DPH5: variants seen among roughly 807,000 people sequenced by gnomAD.
DPH5 encodes the protein diphthamide biosynthesis 5.
In DPH5, 31 loss-of-function variants were observed where a neutral mutation model predicts 31.6. The ratio of observed to expected loss-of-function variants is 0.98; its 90% CI spans 0.74 to 1.32. DPH5 has a LOEUF of 1.32. DPH5 is among the 40% of genes most tolerant of loss of function. DPH5 has a pLI of 0.00. For synonymous variants in DPH5, 120 were observed against 115.0 expected (o/e 1.04, Z -0.28); for missense variants, 309 against 335.7 (o/e 0.92, Z 0.62).
rs1029222347 is a variant in DPH5 at position 100,990,099 on chromosome 1, C to T, written c.*309G>A. On this transcript the variant is annotated 3_prime_UTR_variant, in exon 8 of 8. Transcript: ENST00000370109. ...GAGGTTTAATTTTCGACTCACAGTT[C>T]CACATGGCTGGGAAGGCCTCAGGAA... The T allele has an allele frequency of 1.1e-5, 4 of 350,092 alleles. No homozygotes were observed. Among genetic ancestry groups the T allele is most frequent in the Non-Finnish European group, 2.1e-5 (4 of 188,722 alleles). 21.7% of individuals were successfully genotyped at this position (350,092 alleles called of 1,614,324 possible).
intron 6 of DPH5, among the ~76,000 whole-genome samples, chr1:100,994,906 C>G (rs909873362): frequency 6.6e-6 from 1 of 152,198 alleles, no homozygotes; most frequent in African/African-American, 2.4e-5. Context: ...AACCACTGTT[C>G]TCAGTGTTGA....
chr1:100,992,479 A>G (rs1399470133), intron 7 of DPH5, among the ~76,000 whole-genome samples, 158 bp downstream of exon 7: 1 of 152,178 alleles, frequency 6.6e-6, no homozygotes, highest in African/African-American at 2.4e-5. Flanking sequence ...CTTGAAGCCT[A>G]TGGGATTTAA....
chr1:100,993,136 T>A (rs1657935476), intron 6 of DPH5, among the ~76,000 whole-genome samples: 1 of 152,164 alleles, frequency 6.6e-6, no homozygotes, highest in South Asian at 2.1e-4. Context: ...TTTTCACTGT[T>A]TCCTCTAAGA....
At chr1:101,011,099 A>G (rs1212551951) in intron 4 of DPH5, among the ~76,000 whole-genome samples, 1 of 152,236 alleles carries the variant, frequency 6.6e-6, no homozygotes, top group African/African-American at 2.4e-5. Context: ...CGCTAGTCCA[A>G]AAAGTAAAGA....
chr1:101,003,488 C>A (rs570322070), intron 4 of DPH5, among the ~76,000 whole-genome samples: 1 of 152,206 alleles, frequency 6.6e-6, no homozygotes, highest in Non-Finnish European at 1.5e-5. Context: ...AGTCATGGCA[C>A]TGGTTCTTAC....
intron 3 of DPH5, among the ~76,000 whole-genome samples, chr1:101,018,473 G>A (rs191815773): frequency 2.3e-4 from 35 of 152,072 alleles, no homozygotes; most frequent in African/African-American, 5.5e-4. Context: ...TCCTGGGCTC[G>A]GGCAATCCAC....
intron 5 of DPH5, chr1:100,995,747 A>G (rs11590179): frequency 0.091 from 13,891 of 152,372 alleles, 733 homozygotes; most frequent in Middle Eastern, 0.19. Flanking sequence ...CAAGCATCAC[A>G]AATATTTGAT....
chr1:101,021,942 A>T (rs1246520379), intron 2 of DPH5, among the ~76,000 whole-genome samples, 177 bp from the exon 3 acceptor site: 1 of 152,082 alleles, frequency 6.6e-6, no homozygotes, highest in Non-Finnish European at 1.5e-5. Context: ...CCAGTACTTT[A>T]TGTCATGTTG....
intron 5 of DPH5, among the ~76,000 whole-genome samples, chr1:100,998,505 C>G (rs1658572555): frequency 2.4e-5 from 1 of 41,120 alleles, no homozygotes; most frequent in Non-Finnish European, 7.6e-5. Flanking sequence ...TAAACCTTAT[C>G]TTAAAAAAAA....
chr1:101,009,643 GC>G (rs528353953), intron 4 of DPH5, among the ~76,000 whole-genome samples: 174 of 152,124 alleles, frequency 1.1e-3, no homozygotes, highest in Admixed American at 5.8e-3. Flanking sequence ...TTCCAATCTT[GC>G]CTGGCAGTAA....
At chr1:101,018,506 C>T (rs1660240174) in intron 3 of DPH5, among the ~76,000 whole-genome samples, 1 of 152,116 alleles carries the variant, frequency 6.6e-6, no homozygotes, top group South Asian at 2.1e-4. Context: ...CCCAAAGTTG[C>T]TGGGATTACA....
At chr1:101,000,426 T>A (rs1023867471) in intron 5 of DPH5, among the ~76,000 whole-genome samples, 2 of 152,162 alleles carry the variant, frequency 1.3e-5, no homozygotes, top group Admixed American at 6.5e-5. Flanking sequence ...GACACTGACA[T>A]AAAAGACCGA....
intron 3 of DPH5, among the ~76,000 whole-genome samples, chr1:101,019,545 G>A (rs1157584160): frequency 1.3e-5 from 2 of 151,852 alleles, no homozygotes; most frequent in Non-Finnish European, 2.9e-5. Flanking sequence ...AATAAGAAGG[G>A]GTCTTAAAAT....
intron 3 of DPH5, 113 bp from the exon 4 acceptor site, chr1:101,013,931 A>G (rs1659879554): frequency 1.4e-6 from 1 of 740,440 alleles, no homozygotes; most frequent in Admixed American, 2.7e-5. Context: ...CCTTTCTTCA[A>G]ATTCTTCCAC....
Position 101,013,776 on chromosome 1 carries a change from C to T in DPH5, c.303G>A (p.Leu101=). The part of the protein sequence containing the change: ...HSDLVLRATK[L]GIPYRVIHNA... ...TGTGAATAACTCTATAAGGAATTCC[C>T]AGCTTTGTTGCTCTTAGAACAAGAT... Residue 101 remains leucine (L), a synonymous_variant, in exon 4 of 8, where the codon CTG becomes CTA. Coordinates refer to ENST00000370109, the MANE Select transcript of DPH5 (RefSeq NM_015958.3). 6.2e-7 allele frequency: 1 copy of T among 1,613,186 alleles called. No individual in the cohort carries two copies. The highest frequency in any genetic ancestry group is 8.5e-7 in the Non-Finnish European group (1 of 1,179,540).
chr1:100,992,951 T>A (rs1010768898), intron 6 of DPH5, among the ~76,000 whole-genome samples: 32 of 152,344 alleles, frequency 2.1e-4, no homozygotes, highest in Admixed American at 3.9e-4. Flanking sequence ...TTTCCTCTGA[T>A]CTCACTGAAA....
intron 4 of DPH5, among the ~76,000 whole-genome samples, chr1:101,012,035 G>A (rs182957446): frequency 6.6e-6 from 1 of 151,710 alleles, no homozygotes; most frequent in Non-Finnish European, 1.5e-5. Flanking sequence ...CCAGTAGCTG[G>A]GATTACAGGT....
At chr1:101,009,916 C>T (rs921345468) in intron 4 of DPH5, among the ~76,000 whole-genome samples, 6 of 152,202 alleles carry the variant, frequency 3.9e-5, no homozygotes, top group Non-Finnish European at 8.8e-5. Context: ...GGCCTTTGCA[C>T]TGTTTCCTCT....
At chr1:101,004,501 C>T (rs1002143906) in intron 4 of DPH5, among the ~76,000 whole-genome samples, 1 of 152,008 alleles carries the variant, frequency 6.6e-6, no homozygotes, top group Non-Finnish European at 1.5e-5. Flanking sequence ...AAACACAGGC[C>T]TTTTTAAATT....
Sources: gnomAD v4.1 joint callset for allele counts (sites outside exome capture counted in the v4.1 genomes callset) on GRCh38, gnomAD v4.1.1 for gene constraint, MANE v1.5 for transcripts, NCBI Gene and HGNC (gene_info 2026-07-23, HGNC 2026-07-21) for gene names.